Variants in PREX1 observed in about 807,000 individuals in gnomAD.
PREX1 encodes phosphatidylinositol-3,4,5-trisphosphate dependent Rac exchange factor 1.
A neutral mutation model predicts 198.3 loss-of-function variants in PREX1; 41 were observed. The ratio of observed to expected loss-of-function variants is 0.21; its 90% CI spans 0.16 to 0.27. PREX1 has a LOEUF of 0.27. Among genes scored for constraint, PREX1 ranks in the 10% least tolerant of loss-of-function variants. PREX1 has a pLI of 1.00. For synonymous variants in PREX1, 843 were observed against 887.2 expected, an observed-to-expected ratio of 0.95 and a Z score of 0.89; for missense variants, 1,620 against 2,200.7, an observed-to-expected ratio of 0.74 and a Z score of 5.28.
chr20:48,795,196 T>A (rs1424733270), intron 1 of PREX1, among the ~76,000 whole-genome samples: 3 of 152,134 alleles, frequency 2.0e-5, no homozygotes, highest in Non-Finnish European at 2.9e-5. Flanking sequence ...AGCCCAGAAC[T>A]GTACCTGGCA....
At chr20:48,875,246 G>A in the PREX1 span, among the ~76,000 whole-genome samples, 18 of 152,188 alleles carry the variant, frequency 1.2e-4, 3 homozygotes, top group Admixed American at 1.2e-3. Context: ...AAGGCCAAGT[G>A]GGAAGCAGCT....
intron 13 of PREX1, among the ~76,000 whole-genome samples, chr20:48,676,918 G>A (rs977770956): frequency 3.3e-5 from 5 of 152,216 alleles, no homozygotes; most frequent in African/African-American, 4.8e-5. Flanking sequence ...TGAGTTTCAC[G>A]GTTCTTTCCT....
chr20:48,732,812 T>C (rs939997029), intron 4 of PREX1, among the ~76,000 whole-genome samples: 3 of 152,150 alleles, frequency 2.0e-5, no homozygotes, highest in South Asian at 2.1e-4. Context: ...AGGAGATGTG[T>C]GCAGCTTCCT....
At chr20:48,885,412 G>T in the PREX1 span, among the ~76,000 whole-genome samples, 1 of 152,160 alleles carries the variant, frequency 6.6e-6, no homozygotes, top group Non-Finnish European at 1.5e-5. Context: ...CCAAATGCTG[G>T]CAAGGATGTG....
chr20:48,682,795 G>A lies in PREX1; in HGVS notation c.1335-1460C>T, dbSNP rs146645037. ...CAGGAAAAGGGAGAGCCTGGAATGG[G>A]GCTGTTTCCGCCGAGGCAATCTGTG... On this transcript the variant is annotated intron_variant, in intron 10 of 39. Transcript: ENST00000371941. 5.4e-4 allele frequency among the ~76,000 whole-genome samples: 83 copies of A among 152,316 alleles called. 1 individual carries two copies. Among genetic ancestry groups the A allele is most frequent in the Middle Eastern group, 3.4e-3 (1 of 294 alleles).
chr20:48,646,688 A>T (rs549108261), intron 25 of PREX1, among the ~76,000 whole-genome samples: 1 of 151,910 alleles, frequency 6.6e-6, no homozygotes, highest in South Asian at 2.1e-4. Flanking sequence ...AAAAAAAAAA[A>T]AAAAGAAAAG....
intron 14 of PREX1, among the ~76,000 whole-genome samples, chr20:48,670,615 G>A (rs921546325): frequency 6.6e-6 from 1 of 152,186 alleles, no homozygotes; most frequent in South Asian, 2.1e-4. Context: ...TCAAAGCCCC[G>A]CTCTGCCCTG....
intron 1 of PREX1, among the ~76,000 whole-genome samples, chr20:48,780,961 G>A (rs1472671276): frequency 6.6e-6 from 1 of 152,168 alleles, no homozygotes; most frequent in Non-Finnish European, 1.5e-5. Context: ...AAAATGCACA[G>A]AGAGGGGCAC....
intron 1 of PREX1, among the ~76,000 whole-genome samples, chr20:48,811,542 G>T (rs537913538): frequency 1.4e-5 from 2 of 147,438 alleles, no homozygotes; most frequent in African/African-American, 5.0e-5. Context: ...ACACACACAC[G>T]TGTGCATGCA....
At position 48,636,691 on chromosome 20, in the gene PREX1, C is replaced by G. The variant is rs2089367860; in HGVS notation, c.3947-8G>C. On this transcript the variant is annotated splice_region_variant and splice_polypyrimidine_tract_variant and intron_variant, in intron 31 of 39. Coordinates refer to ENST00000371941, the MANE Select transcript of PREX1 (RefSeq NM_020820.4). Reference sequence around the variant, plus strand: ...GCAGCTGCAGCTCCGTGTCTGGGGGCAGAGGGCAGGAGGCCTTGCTGGAGG... The same window carrying G: ...GCAGCTGCAGCTCCGTGTCTGGGGGGAGAGGGCAGGAGGCCTTGCTGGAGG... 6.3e-7 allele frequency: 1 copy of G among 1,593,206 alleles called. No individual in the cohort carries two copies. Among genetic ancestry groups the G allele is most frequent in the Non-Finnish European group, 8.5e-7 (1 of 1,170,406 alleles).
intron 1 of PREX1, among the ~76,000 whole-genome samples, chr20:48,810,285 T>TA (rs1040049610): frequency 8.1e-4 from 115 of 142,774 alleles, no homozygotes; most frequent in Middle Eastern, 3.5e-3. Flanking sequence ...ATTCTACAAT[T>TA]AAAAAAAAAA....
chr20:48,842,745 G>A, the PREX1 span, among the ~76,000 whole-genome samples: 2 of 151,988 alleles, frequency 1.3e-5, no homozygotes, highest in African/African-American at 4.8e-5. Context: ...ATTATGAAGA[G>A]ATGAAGCCAA....
the PREX1 span, among the ~76,000 whole-genome samples, chr20:48,885,124 G>A: frequency 6.6e-6 from 1 of 152,154 alleles, no homozygotes; most frequent in Non-Finnish European, 1.5e-5. Context: ...AGGAGTAAAT[G>A]AGTTAACGCA....
chr20:48,733,382 C>G (rs576902487), intron 4 of PREX1, among the ~76,000 whole-genome samples: 15 of 152,328 alleles, frequency 9.8e-5, no homozygotes, highest in African/African-American at 3.6e-4. Context: ...ACCAATTACT[C>G]TGTCTACAGC....
intron 10 of PREX1, among the ~76,000 whole-genome samples, chr20:48,686,437 G>C (rs1177854499): frequency 6.6e-6 from 1 of 152,186 alleles, no homozygotes; most frequent in Non-Finnish European, 1.5e-5. Flanking sequence ...CATTTCAAAT[G>C]GGCAGTAAAA....
chr20:48,820,180 G>A (rs1426404987), intron 1 of PREX1, among the ~76,000 whole-genome samples: 1 of 152,210 alleles, frequency 6.6e-6, no homozygotes, highest in Non-Finnish European at 1.5e-5. Context: ...TGGTCCTCAA[G>A]GAGCCAAGAA....
At chr20:48,878,737 C>T in the PREX1 span, among the ~76,000 whole-genome samples, 123 of 152,288 alleles carry the variant, frequency 8.1e-4, no homozygotes, top group African/African-American at 2.6e-3. Context: ...CAGAGATGGA[C>T]GTGTGACTTA....
chr20:48,802,678 G>A (rs1280847234), intron 1 of PREX1, among the ~76,000 whole-genome samples: 1 of 152,218 alleles, frequency 6.6e-6, no homozygotes, highest in Non-Finnish European at 1.5e-5. Flanking sequence ...TATGAGAGCA[G>A]GGATTGTATC....
At chr20:48,746,891 GA>G (rs974819352) in intron 2 of PREX1, among the ~76,000 whole-genome samples, 6 of 151,342 alleles carry the variant, frequency 4.0e-5, no homozygotes, top group Non-Finnish European at 7.4e-5. Flanking sequence ...TTTGCTGAAT[GA>G]ATGAGTGAAT....
Sources: allele counts gnomAD v4.1 joint callset (sites outside exome capture counted in the v4.1 genomes callset), GRCh38; gene constraint gnomAD v4.1.1; transcripts MANE v1.5; gene names NCBI Gene and HGNC (gene_info 2026-07-23, HGNC 2026-07-21).